Variants in ANTXR2 observed in about 807,000 individuals in gnomAD.
ANTXR2 encodes ANTXR cell adhesion molecule 2.
A neutral mutation model predicts 73.7 loss-of-function variants in ANTXR2; 44 were observed. The ratio of observed to expected loss-of-function variants is 0.60; its 90% confidence interval spans 0.47 to 0.77. ANTXR2 has a LOEUF of 0.77. ANTXR2 is among the 30% of genes least tolerant of loss of function. The pLI, the probability that ANTXR2 is intolerant of heterozygous loss-of-function variation, is 0.00. For missense variants in ANTXR2, 604 were observed against 592.5 expected, an observed-to-expected ratio of 1.02 and a Z score of -0.20; for synonymous variants, 217 against 205.9, an observed-to-expected ratio of 1.05 and a Z score of -0.46.
chr4:79,912,332 A>G (rs1727177324), intron 16 of ANTXR2, among the ~76,000 whole-genome samples: 1 of 151,962 alleles, frequency 6.6e-6, no homozygotes, highest in African/African-American at 2.4e-5. Context: ...AAATAAGATT[A>G]CTCTGAGTAT....
At chr4:79,960,874 T>C (rs910530076) in intron 16 of ANTXR2, among the ~76,000 whole-genome samples, 1 of 151,944 alleles carries the variant, frequency 6.6e-6, no homozygotes, top group African/African-American at 2.4e-5. Flanking sequence ...ATACAAATCC[T>C]AGTGTTTTAT....
intron 16 of ANTXR2, among the ~76,000 whole-genome samples, chr4:79,909,645 C>A (rs28692606): frequency 0.49 from 70,432 of 144,222 alleles, 16,848 homozygotes; most frequent in Non-Finnish European, 0.53. Flanking sequence ...ATATAAGCAC[C>A]AAAAAAAAAA....
rs70944757 is a variant in ANTXR2 at position 79,990,383 on chromosome 4, CA to C, written c.1042-5521del. On this transcript the variant is annotated intron_variant, in intron 12 of 16. Coordinates refer to ENST00000403729, the MANE Select transcript of ANTXR2 (RefSeq NM_058172.6). Reference sequence around the variant, plus strand: ...ATCAAGAATTCAATAACAACAGTTACAAAAAAAAAAAAAAAAAAACACCTTG... The same window carrying C: ...ATCAAGAATTCAATAACAACAGTTACAAAAAAAAAAAAAAAAAACACCTTG... Among the ~76,000 whole-genome samples the C allele has an allele frequency of 2.2e-3, 166 of 76,926 alleles. 2 individuals are homozygous for C. Among genetic ancestry groups the C allele is most frequent in the African/African-American group, 3.5e-3 (74 of 21,342 alleles). The allele number at this position is 76,926 out of a possible 152,430, so 50.5% of individuals were successfully genotyped here.
In ANTXR2 at chr4:80,036,012, A is replaced by C; in HGVS notation, c.657T>G (p.Thr219=). Reference sequence around the variant, plus strand: ...TTGAGGGCTGCAATTCTAGGATTTCAGTACATGACTGAGCTAGTATCTAAA... The same window carrying C: ...TTGAGGGCTGCAATTCTAGGATTTCCGTACATGACTGAGCTAGTATCTAAA... The part of the protein sequence containing the change: ...IINSILAQSC[T]EILELQPSSV... Residue 219 remains threonine (T), a synonymous_variant, in exon 8 of 17, where the codon ACT becomes ACG. Coordinates refer to ENST00000403729, the MANE Select transcript of ANTXR2 (RefSeq NM_058172.6). The C allele has an allele frequency of 6.5e-7, 1 of 1,530,060 alleles. No homozygotes were observed. The highest frequency in any genetic ancestry group is 8.8e-7 in the Non-Finnish European group (1 of 1,141,510). The allele number at this position is 1,530,060 out of a possible 1,614,324, so 94.8% of individuals were successfully genotyped here. A position where few individuals can be genotyped will look rare whatever the true frequency, so the allele number is the denominator to read the frequency against.
intron 16 of ANTXR2, among the ~76,000 whole-genome samples, chr4:79,958,363 C>T (rs1044600560): frequency 6.6e-6 from 1 of 152,108 alleles, no homozygotes; most frequent in Non-Finnish European, 1.5e-5. Context: ...ACATTCTCTC[C>T]TTCCTAAACT....
intron 12 of ANTXR2, among the ~76,000 whole-genome samples, chr4:79,997,178 A>C (rs1347792013): frequency 6.6e-6 from 1 of 151,940 alleles, no homozygotes; most frequent in East Asian, 1.9e-4. Context: ...TCAGCACTGG[A>C]GCCTGCAGCC....
chr4:79,955,363 T>A (rs1372953876), intron 16 of ANTXR2, among the ~76,000 whole-genome samples: 2 of 152,290 alleles, frequency 1.3e-5, no homozygotes, highest in Non-Finnish European at 2.9e-5. Flanking sequence ...GAACATATTT[T>A]CAAATACTAT....
intron 13 of ANTXR2, 65 bp from the exon 14 acceptor site, chr4:79,984,035 G>T: frequency 8.8e-7 from 1 of 1,134,186 alleles, no homozygotes; most frequent in Non-Finnish European, 1.2e-6. Flanking sequence ...AGTCGGAACT[G>T]GCTCATATTT....
Position 80,034,044 on chromosome 4 carries a change from T to C in ANTXR2, c.698-474A>G, listed in dbSNP as rs113788172. On this transcript the variant is annotated intron_variant, in intron 8 of 16. Coordinates refer to ENST00000403729, the MANE Select transcript of ANTXR2 (RefSeq NM_058172.6). ...TAGTACTTTCTTTAATCTATGCCTGTTCCATACAGAATTCTTCTTTAACCA... is the reference window on the plus strand; with the variant it reads ...TAGTACTTTCTTTAATCTATGCCTGCTCCATACAGAATTCTTCTTTAACCA... Among the ~76,000 whole-genome samples, 1,441 of 152,252 alleles carry C rather than the reference T, an allele frequency of 9.5e-3. 25 individuals are homozygous for C. The highest frequency in any genetic ancestry group is 0.032 in the African/African-American group (1,347 of 41,576).
At chr4:79,949,635 C>T (rs923688158) in intron 16 of ANTXR2, among the ~76,000 whole-genome samples, 1 of 152,092 alleles carries the variant, frequency 6.6e-6, no homozygotes, top group African/African-American at 2.4e-5. Context: ...TGTCAGGAAG[C>T]TCTGAGTTTA....
At chr4:80,065,481 T>C (rs1173036045) in intron 3 of ANTXR2, among the ~76,000 whole-genome samples, 1 of 151,844 alleles carries the variant, frequency 6.6e-6, no homozygotes, top group Non-Finnish European at 1.5e-5. Context: ...GGTAGGTGGG[T>C]GGGTAGGTGG....
At chr4:80,004,428 T>A (rs1731207069) in intron 12 of ANTXR2, among the ~76,000 whole-genome samples, 1 of 151,988 alleles carries the variant, frequency 6.6e-6, no homozygotes, top group Non-Finnish European at 1.5e-5. Context: ...CTTCTGGAAG[T>A]CTGGAGTCTG....
At chr4:79,987,275 A>G (rs1182834476) in intron 12 of ANTXR2, among the ~76,000 whole-genome samples, 3 of 86,986 alleles carry the variant, frequency 3.4e-5, no homozygotes, top group Admixed American at 2.7e-4. Flanking sequence ...CCATTTTAAG[A>G]AAAAAAAAAA....
intron 12 of ANTXR2, among the ~76,000 whole-genome samples, chr4:79,998,566 CCTAAT>C (rs1387802965): frequency 6.6e-6 from 1 of 152,012 alleles, no homozygotes; most frequent in Non-Finnish European, 1.5e-5. Flanking sequence ...CAAAATATCC[CCTAAT>C]CTAAACAATG....
intron 7 of ANTXR2, among the ~76,000 whole-genome samples, chr4:80,037,732 A>G (rs758827900): frequency 1.3e-5 from 2 of 152,132 alleles, no homozygotes; most frequent in African/African-American, 4.8e-5. Context: ...AAAAATTTGG[A>G]CATAATTCAG....
chr4:79,987,694 A>G (rs907101247), intron 12 of ANTXR2, among the ~76,000 whole-genome samples: 2 of 152,222 alleles, frequency 1.3e-5, no homozygotes, highest in African/African-American at 4.8e-5. Context: ...ACGCAAAGGA[A>G]AGAAATGTTA....
chr4:79,975,470 C>T (rs1263679109), intron 16 of ANTXR2, among the ~76,000 whole-genome samples: 1 of 152,102 alleles, frequency 6.6e-6, no homozygotes, highest in Non-Finnish European at 1.5e-5. Flanking sequence ...AGACTATAAA[C>T]TAAATTACAA....
At chr4:80,054,781 T>C (rs750143433) in intron 6 of ANTXR2, among the ~76,000 whole-genome samples, 18 of 151,630 alleles carry the variant, frequency 1.2e-4, no homozygotes, top group Non-Finnish European at 2.5e-4. Context: ...TGGACTTTCA[T>C]TAGAGTCAAA....
chr4:80,071,868 A>T (rs1734804446), intron 1 of ANTXR2, among the ~76,000 whole-genome samples: 1 of 152,132 alleles, frequency 6.6e-6, no homozygotes, highest in Non-Finnish European at 1.5e-5. Context: ...AAGAAGAAGA[A>T]GAAGTCAGCC....
Sources: gnomAD v4.1 joint callset for allele counts (sites outside exome capture counted in the v4.1 genomes callset) on GRCh38, gnomAD v4.1.1 for gene constraint, MANE v1.5 for transcripts, NCBI Gene and HGNC (gene_info 2026-07-23, HGNC 2026-07-21) for gene names.